Variants in IGFBP7 observed in about 807,000 individuals in gnomAD.
IGFBP7 encodes the protein insulin like growth factor binding protein 7.
Under a neutral mutation model 29.4 loss-of-function variants are expected in IGFBP7, and 31 were observed. The ratio of observed to expected loss-of-function variants is 1.05; its 90% CI spans 0.79 to 1.42. The LOEUF (loss-of-function observed/expected upper bound fraction) is 1.42, where lower values mean the gene tolerates loss of function less well. Ranked by LOEUF, IGFBP7 falls within the 40% of genes most tolerant of loss-of-function variation. The probability of loss-of-function intolerance (pLI) is 0.00; values close to 1 mark genes in which losing one functional copy is unlikely to be tolerated. For missense variants in IGFBP7, 393 were observed against 395.5 expected, an observed-to-expected ratio of 0.99 and a Z score of 0.05; for synonymous variants, 172 against 174.9, an observed-to-expected ratio of 0.98 and a Z score of 0.13.
chr4:57,072,783 G>A (rs1725085915), intron 1 of IGFBP7: 1 of 537,608 alleles, frequency 1.9e-6, no homozygotes, highest in South Asian at 1.5e-5. Context: ...AAATGGGTGG[G>A]GACCATCCAT....
At chr4:57,074,365 A>C (rs1329573863) in intron 1 of IGFBP7, among the ~76,000 whole-genome samples, 1 of 152,064 alleles carries the variant, frequency 6.6e-6, no homozygotes, top group Non-Finnish European at 1.5e-5. Flanking sequence ...CCGGCCTGAA[A>C]ATTTACCTCT....
chr4:57,059,146 A>G (rs6848820), intron 1 of IGFBP7, among the ~76,000 whole-genome samples: 96,464 of 152,034 alleles, frequency 0.63, 30,989 homozygotes, highest in East Asian at 0.9. Flanking sequence ...CTCTGTTGGT[A>G]GGGGTGTAAA....
chr4:57,107,248 G>A (rs894157240), intron 1 of IGFBP7, among the ~76,000 whole-genome samples: 3 of 152,148 alleles, frequency 2.0e-5, no homozygotes, highest in Admixed American at 6.5e-5. Flanking sequence ...ATAAATGCAT[G>A]TTAAATGGAA....
intron 1 of IGFBP7, among the ~76,000 whole-genome samples, chr4:57,053,296 C>T (rs34764236): frequency 0.24 from 35,753 of 151,776 alleles, 4,484 homozygotes; most frequent in East Asian, 0.33. Context: ...GGATTATAGG[C>T]GTGAGCCACC....
chr4:57,095,118 T>TA (rs1373100712), intron 1 of IGFBP7, among the ~76,000 whole-genome samples: 2 of 152,240 alleles, frequency 1.3e-5, no homozygotes, highest in African/African-American at 4.8e-5. Context: ...CAGGCTGTGA[T>TA]ATGCCTTATG....
chr4:57,107,536 T>C (rs907336615), intron 1 of IGFBP7, among the ~76,000 whole-genome samples: 1 of 152,196 alleles, frequency 6.6e-6, no homozygotes, highest in African/African-American at 2.4e-5. Context: ...GGGGATGTGA[T>C]AGGGATCAGT....
At position 57,109,955 on chromosome 4, in the gene IGFBP7, G is replaced by C. The variant is rs1401242029; in HGVS notation, c.397C>G (p.Leu133Val). Residue 133 changes from leucine to valine, a missense_variant, in exon 1 of 5, where the codon CTG becomes GTG. Physicochemically the swap from Leu to Val is conservative, Grantham distance 32. Transcript: ENST00000295666. The stretch of plus-strand genomic sequence containing the variant: ...TCGGCCCTCTGGCTGGCGGCGCGCA[G>C]CTGGCAGCCGCTCGGGTAGGTGGTG... ...DGTTYPSGCQLRAASQRAESR... is the reference protein window; with the variant it reads ...DGTTYPSGCQVRAASQRAESR... 1 of 1,551,120 alleles carries C rather than the reference G, an allele frequency of 6.4e-7. No individual in the cohort carries two copies. Among genetic ancestry groups the C allele is most frequent in the African/African-American group, 1.4e-5 (1 of 73,850 alleles).
At chr4:57,100,931 C>T (rs540242844) in intron 1 of IGFBP7, among the ~76,000 whole-genome samples, 2 of 152,266 alleles carry the variant, frequency 1.3e-5, no homozygotes, top group Non-Finnish European at 2.9e-5. Context: ...ATAACAATTC[C>T]CCTTACCTTC....
chr4:57,109,383 A>G (rs1461438346), intron 1 of IGFBP7, among the ~76,000 whole-genome samples: 3 of 152,132 alleles, frequency 2.0e-5, no homozygotes, highest in African/African-American at 4.8e-5. Flanking sequence ...GTGGGCCAAG[A>G]TCGTGCCACT....
Position 57,110,246 on chromosome 4 carries a change from C to G in IGFBP7, c.106G>C (p.Glu36Gln). 4.3e-6 allele frequency: 6 copies of G among 1,391,428 alleles called. No individual in the cohort carries two copies. Among genetic ancestry groups the G allele is most frequent in the Non-Finnish European group, 5.6e-6 (6 of 1,074,848 alleles). The allele number at this position is 1,391,428 out of a possible 1,614,324, so 86.2% of individuals were successfully genotyped here. A position where few individuals can be genotyped will look rare whatever the true frequency, so the allele number is the denominator to read the frequency against. The change falls in exon 1 of 5, where the codon GAG becomes CAG. Residue 36 changes from glutamate to glutamine, a missense_variant. Glu to Gln is a conservative substitution (Grantham distance 29). Coordinates refer to ENST00000295666, the MANE Select transcript of IGFBP7 (RefSeq NM_001553.3). ...GGCAGGGGCGGGCAGGAGGCCGGCT[C>G]GCAGGGGCCGCAGGTGTCCGAAGAG... Reference protein sequence around the residue: ...SSSSDTCGPCEPASCPPLPPL... With the variant: ...SSSSDTCGPCQPASCPPLPPL...
At chr4:57,081,810 C>A (rs1725378242) in intron 1 of IGFBP7, among the ~76,000 whole-genome samples, 1 of 152,128 alleles carries the variant, frequency 6.6e-6, no homozygotes, top group Non-Finnish European at 1.5e-5. Flanking sequence ...AGTTCTAGGT[C>A]CTCAGCACAA....
intron 1 of IGFBP7, among the ~76,000 whole-genome samples, chr4:57,064,838 A>C (rs1033379848): frequency 1.3e-5 from 2 of 152,246 alleles, no homozygotes; most frequent in Non-Finnish European, 2.9e-5. Flanking sequence ...AACTTCTTGC[A>C]CTTTATTAAT....
intron 2 of IGFBP7, among the ~76,000 whole-genome samples, chr4:57,038,695 G>A (rs1425521074): frequency 2.0e-5 from 3 of 152,034 alleles, no homozygotes; most frequent in Admixed American, 6.6e-5. Flanking sequence ...TCCTTTTTTG[G>A]TAGCATGAGT....
intron 1 of IGFBP7, among the ~76,000 whole-genome samples, chr4:57,054,787 A>G (rs13107451): frequency 0.83 from 125,880 of 152,140 alleles, 52,578 homozygotes; most frequent in East Asian, 0.94. Flanking sequence ...GCTGAAGGCC[A>G]AGGCCTGAAC....
At chr4:57,049,101 G>A (rs3821996) in intron 1 of IGFBP7, among the ~76,000 whole-genome samples, 51,461 of 151,780 alleles carry the variant, frequency 0.34, 8,905 homozygotes, top group East Asian at 0.52. Context: ...ACCTAAACAC[G>A]ATGTATGTGA....
At chr4:57,066,296 A>C (rs1298301931) in intron 1 of IGFBP7, among the ~76,000 whole-genome samples, 3 of 152,176 alleles carry the variant, frequency 2.0e-5, no homozygotes, top group African/African-American at 7.2e-5. Flanking sequence ...CTCAAAGGGC[A>C]CAAAGGAGAG....
At chr4:57,081,883 G>C (rs1725379356) in intron 1 of IGFBP7, among the ~76,000 whole-genome samples, 1 of 152,128 alleles carries the variant, frequency 6.6e-6, no homozygotes, top group African/African-American at 2.4e-5. Flanking sequence ...GTTTGCAATT[G>C]AATCACCCTG....
intron 2 of IGFBP7, among the ~76,000 whole-genome samples, chr4:57,039,856 A>C (rs1052780384): frequency 4.6e-5 from 7 of 151,834 alleles, no homozygotes; most frequent in African/African-American, 1.7e-4. Context: ...AAACTCCAGG[A>C]CTCAAGTGAT....
rs770895497 is a variant in IGFBP7, at chr4:57,030,973, A to C, written c.*344T>G. ...TTATGTCTATGAGTATTGCACCGCG[A>C]ATGATGAGTGTTTAGCTATTTTACA... On this transcript the variant is annotated 3_prime_UTR_variant, in exon 5 of 5. Transcript: ENST00000295666. The C allele has an allele frequency of 6.3e-7, 1 of 1,587,706 alleles. No individual in the cohort carries two copies. Among genetic ancestry groups the C allele is most frequent in the East Asian group, 2.2e-5 (1 of 44,754 alleles).
Sources: allele counts gnomAD v4.1 joint callset (sites outside exome capture counted in the v4.1 genomes callset), GRCh38; gene constraint gnomAD v4.1.1; transcripts MANE v1.5; gene names NCBI Gene and HGNC (gene_info 2026-07-23, HGNC 2026-07-21).